The following ANO5 variants were observed in gnomAD, a reference collection of about 807,000 sequenced individuals.
ANO5 encodes the protein anoctamin-5.
Under a neutral mutation model 121.0 loss-of-function variants are expected in ANO5, and 109 were observed. That is an observed-to-expected ratio of 0.90 (90% CI 0.77 to 1.06). ANO5 has a LOEUF of 1.06. ANO5 is among the 50% of genes least tolerant of loss of function. The pLI is 0.00. For synonymous variants in ANO5, 406 were observed against 359.9 expected, an observed-to-expected ratio of 1.13 and a Z score of -1.45; for missense variants, 1,064 against 1,078.5, an observed-to-expected ratio of 0.99 and a Z score of 0.19.
intron 9 of ANO5, among the ~76,000 whole-genome samples, chr11:22,247,906 T>C (rs560657487): frequency 6.6e-6 from 1 of 152,222 alleles, no homozygotes; most frequent in African/African-American, 2.4e-5. Context: ...TTGATATCCA[T>C]ATGTTGTATG....
At chr11:22,219,048 T>C (rs1852554776) in intron 4 of ANO5, among the ~76,000 whole-genome samples, 1 of 152,148 alleles carries the variant, frequency 6.6e-6, no homozygotes, top group South Asian at 2.1e-4. Context: ...TGTATGTTAG[T>C]AACATTCAGT....
intron 1 of ANO5, among the ~76,000 whole-genome samples, chr11:22,195,488 G>A (rs1200023753): frequency 6.6e-6 from 1 of 151,962 alleles, no homozygotes; most frequent in Non-Finnish European, 1.5e-5. Context: ...TAATGCAGGG[G>A]CATCATCTCT....
intron 3 of ANO5, among the ~76,000 whole-genome samples, chr11:22,217,952 ATAAAAT>A (rs1852506918): frequency 6.6e-6 from 1 of 151,860 alleles, no homozygotes; most frequent in Admixed American, 6.6e-5. Context: ...GTAGAAATAA[ATAAAAT>A]AAAATATAAA....
At chr11:22,222,353 A>G (rs1014723278) in intron 5 of ANO5, among the ~76,000 whole-genome samples, 5 of 151,874 alleles carry the variant, frequency 3.3e-5, no homozygotes, top group Non-Finnish European at 5.9e-5. Flanking sequence ...TACTTAGATG[A>G]TTATTTTGAC....
intron 8 of ANO5, among the ~76,000 whole-genome samples, chr11:22,236,671 T>A (rs73481657): frequency 0.043 from 6,571 of 152,298 alleles, 479 homozygotes; most frequent in African/African-American, 0.15. Flanking sequence ...ACATATTCAT[T>A]CATCAAATAC....
At chr11:22,206,918 A>C (rs1340015994) in intron 2 of ANO5, among the ~76,000 whole-genome samples, 1 of 152,022 alleles carries the variant, frequency 6.6e-6, no homozygotes, top group East Asian at 1.9e-4. Flanking sequence ...TAAGACAAAA[A>C]AATAAAATAA....
intron 12 of ANO5, among the ~76,000 whole-genome samples, chr11:22,251,343 G>A (rs1172588833): frequency 1.3e-5 from 2 of 152,154 alleles, no homozygotes; most frequent in African/African-American, 4.8e-5. Context: ...ATATTTTGTG[G>A]CTGGAGGATA....
At chr11:22,201,536 CT>C (rs1851963765) in intron 1 of ANO5, among the ~76,000 whole-genome samples, 1 of 152,006 alleles carries the variant, frequency 6.6e-6, no homozygotes, top group East Asian at 1.9e-4. Flanking sequence ...GTGTTATTCC[CT>C]TTTGTGCTGT....
intron 3 of ANO5, 74 bp downstream of exon 3, chr11:22,211,388 T>C (rs1852271565): frequency 6.8e-7 from 1 of 1,460,430 alleles, no homozygotes; most frequent in Non-Finnish European, 9.6e-7. Context: ...GCAATGATGA[T>C]ACTCTTTTCC....
intron 20 of ANO5, among the ~76,000 whole-genome samples, chr11:22,275,626 C>T (rs1387750077): frequency 1.3e-5 from 2 of 151,660 alleles, no homozygotes; most frequent in Admixed American, 1.3e-4. Flanking sequence ...TTAAGAAAAA[C>T]AAAGCAATAC....
At chr11:22,202,482 T>C (rs1011310788) in intron 1 of ANO5, among the ~76,000 whole-genome samples, 10 of 152,134 alleles carry the variant, frequency 6.6e-5, no homozygotes, top group African/African-American at 2.4e-4. Context: ...ACTTATACAA[T>C]TGCTTTATTT....
rs1409694467 is a variant in ANO5 at position 22,282,601 on chromosome 11, G to C, written c.*2836G>C. ...TCTTTGGAAGAAAGAGCTGTTCCGAGGAAGTTTGGTCCAGCTGTGGTTGAT... is the reference window on the plus strand; with the variant it reads ...TCTTTGGAAGAAAGAGCTGTTCCGACGAAGTTTGGTCCAGCTGTGGTTGAT... On this transcript the variant is annotated 3_prime_UTR_variant, in exon 22 of 22. Coordinates refer to ENST00000324559, the MANE Select transcript of ANO5 (RefSeq NM_213599.3). 3 of 152,114 alleles carry C rather than the reference G, an allele frequency of 2.0e-5. No individual in the cohort carries two copies. Among genetic ancestry groups the C allele is most frequent in the Non-Finnish European group, 4.4e-5 (3 of 67,986 alleles). The allele number at this position is 152,114 out of a possible 1,614,324, so 9.4% of individuals were successfully genotyped here.
chr11:22,271,667 T>G (rs990185331), intron 18 of ANO5, among the ~76,000 whole-genome samples: 19 of 138,548 alleles, frequency 1.4e-4, no homozygotes, highest in Non-Finnish European at 2.7e-4. Context: ...TAAGACATAA[T>G]TAATTTATTC....
intron 18 of ANO5, 73 bp from the exon 19 acceptor site, chr11:22,272,711 C>T (rs1237452444): frequency 2.7e-5 from 37 of 1,382,968 alleles, no homozygotes; most frequent in Non-Finnish European, 2.0e-6. Flanking sequence ...AAGGAAGTAG[C>T]AGGATTTGGG....
chr11:22,231,440 T>C (rs1025807086), intron 7 of ANO5, among the ~76,000 whole-genome samples: 2 of 151,942 alleles, frequency 1.3e-5, no homozygotes, highest in South Asian at 2.1e-4. Context: ...AGATAAGTTA[T>C]ATTAATCCCC....
intron 9 of ANO5, among the ~76,000 whole-genome samples, chr11:22,244,254 G>T (rs1227850776): frequency 6.6e-6 from 1 of 152,102 alleles, no homozygotes. Flanking sequence ...TGGCTTGTAA[G>T]ATTTCTGCTG....
chr11:22,255,597 T>G (rs1304036429), intron 13 of ANO5, 75 bp downstream of exon 13: 2 of 1,552,088 alleles, frequency 1.3e-6, no homozygotes, highest in Non-Finnish European at 1.8e-6. Context: ...CATATAATCA[T>G]AGTTTATTTT....
chr11:22,254,675 G>A (rs1454140955), intron 12 of ANO5, among the ~76,000 whole-genome samples: 2 of 150,900 alleles, frequency 1.3e-5, no homozygotes, highest in African/African-American at 4.9e-5. Context: ...TTTTATATTG[G>A]TGCTGGTTAT....
intron 2 of ANO5, 123 bp downstream of exon 2, chr11:22,203,973 T>C (rs1177708634): frequency 1.7e-6 from 1 of 603,298 alleles, no homozygotes; most frequent in Non-Finnish European, 2.8e-6. Flanking sequence ...AATTTATTCA[T>C]TTTTTAAGTA....
Sources: gnomAD v4.1 joint callset for allele counts (sites outside exome capture counted in the v4.1 genomes callset) on GRCh38, gnomAD v4.1.1 for gene constraint, MANE v1.5 for transcripts, NCBI Gene and HGNC (gene_info 2026-07-23, HGNC 2026-07-21) for gene names.